BRF1: variants seen among roughly 807,000 people sequenced by gnomAD.
BRF1 encodes BRF1 general transcription factor IIIB subunit, also known as transcription factor IIIB 90 kDa subunit.
Under a neutral mutation model 81.7 loss-of-function variants are expected in BRF1, and 59 were observed. That is an observed-to-expected ratio of 0.72 (90% CI 0.59 to 0.90). The LOEUF (loss-of-function observed/expected upper bound fraction) is 0.90. BRF1 is among the 40% of genes least tolerant of loss of function. BRF1 has a pLI of 0.00. For synonymous variants in BRF1, 491 were observed against 395.6 expected, an observed-to-expected ratio of 1.24 and a Z score of -2.86; for missense variants, 1,050 against 936.3, an observed-to-expected ratio of 1.12 and a Z score of -1.58.
At position 105,258,254 on chromosome 14, in the gene BRF1, C is replaced by T. The variant is rs145705190; in HGVS notation, c.440-1705G>A. Among the ~76,000 whole-genome samples, 504 of 152,262 alleles carry T rather than the reference C, an allele frequency of 3.3e-3. 3 individuals are homozygous for T. Among genetic ancestry groups the T allele is most frequent in the East Asian group, 0.014 (74 of 5,182 alleles). On this transcript the variant is annotated intron_variant, in intron 3 of 17. Transcript: ENST00000547530. ...CTGTAATCCCAGCACTTCGGGAGGCCGAGGTGGGTGGATCACAAGGTCAGG... is the reference window on the plus strand; with the variant it reads ...CTGTAATCCCAGCACTTCGGGAGGCTGAGGTGGGTGGATCACAAGGTCAGG...
Position 105,211,240 on chromosome 14 carries a change from C to A in BRF1, c.1878G>T (p.Ala626=). The A allele has an allele frequency of 6.2e-7, 1 of 1,609,556 alleles. No homozygotes were observed. The highest frequency in any genetic ancestry group is 8.5e-7 in the Non-Finnish European group (1 of 1,178,504). The change falls in exon 17 of 18, where the codon GCG becomes GCT. Residue 626 remains alanine (A), a synonymous_variant. Transcript: ENST00000547530. ...ACACGGGCCCGCTCTCCACCAGCACCGCCTGGGGCCTGGCAGGCTCAGCTC... is the reference window on the plus strand; with the variant it reads ...ACACGGGCCCGCTCTCCACCAGCACAGCCTGGGGCCTGGCAGGCTCAGCTC... ...TLGAEPARPQ[A]VLVESGPVSY...
chr14:105,244,491 T>C (rs1472741590), intron 5 of BRF1, among the ~76,000 whole-genome samples: 1 of 148,942 alleles, frequency 6.7e-6, no homozygotes, highest in African/African-American at 2.4e-5. Context: ...AAGACAAATC[T>C]GTCAGTGACT....
At chr14:105,222,800 T>C (rs1202818117) in intron 10 of BRF1, among the ~76,000 whole-genome samples, 1 of 152,154 alleles carries the variant, frequency 6.6e-6, no homozygotes, top group African/African-American at 2.4e-5. Context: ...GGCTAATTTT[T>C]TGTATTTTTA....
intron 6 of BRF1, among the ~76,000 whole-genome samples, 161 bp downstream of exon 6, chr14:105,241,104 T>C (rs1052152198): frequency 1.3e-5 from 2 of 152,190 alleles, no homozygotes; most frequent in African/African-American, 2.4e-5. Flanking sequence ...CCTGGAGGGC[T>C]GAGGACCCCG....
intron 3 of BRF1, among the ~76,000 whole-genome samples, chr14:105,257,424 G>A (rs8006549): frequency 7.2e-5 from 11 of 152,140 alleles, no homozygotes; most frequent in African/African-American, 2.7e-4. Flanking sequence ...ACTCATCCAC[G>A]CCCTGGGCTG....
intron 5 of BRF1, chr14:105,248,840 C>G: frequency 2.0e-6 from 2 of 989,938 alleles, no homozygotes; most frequent in Non-Finnish European, 2.4e-6. Flanking sequence ...CCACAGGCGC[C>G]GAGGCTGCCC....
chr14:105,296,544 G>A (rs1476981348), intron 1 of BRF1, among the ~76,000 whole-genome samples: 1 of 151,384 alleles, frequency 6.6e-6, no homozygotes, highest in Non-Finnish European at 1.5e-5. Flanking sequence ...AGCTGGGTGC[G>A]GTGGCGGGTG....
chr14:105,221,948 G>C (rs1266389053), intron 10 of BRF1, 34 bp from the exon 11 acceptor site: 1 of 1,528,030 alleles, frequency 6.5e-7, no homozygotes, highest in Non-Finnish European at 8.8e-7. Context: ...TAACCAGGCA[G>C]AGGGCCAGGG....
At chr14:105,294,490 C>T (rs781109153) in intron 1 of BRF1, among the ~76,000 whole-genome samples, 7 of 152,246 alleles carry the variant, frequency 4.6e-5, no homozygotes, top group Non-Finnish European at 1.0e-4. Flanking sequence ...GCTGCCATGA[C>T]AACTTGCTTT....
At chr14:105,249,869 C>T in intron 5 of BRF1, 1 of 1,612,388 alleles carries the variant, frequency 6.2e-7, no homozygotes, top group Non-Finnish European at 8.5e-7. Flanking sequence ...CGAGATGGCC[C>T]TACGGTCCGA....
intron 5 of BRF1, 176 bp downstream of exon 5, chr14:105,252,329 CTG>C (rs2055662013): frequency 1.0e-6 from 1 of 971,676 alleles, no homozygotes; most frequent in Non-Finnish European, 1.2e-6. Flanking sequence ...AACAGCGAGA[CTG>C]TGTCTTAGAA....
intron 6 of BRF1, 72 bp downstream of exon 6, chr14:105,241,193 C>G: frequency 6.3e-7 from 1 of 1,579,502 alleles, no homozygotes; most frequent in East Asian, 2.2e-5. Flanking sequence ...AGCCCACCAG[C>G]ACTCAGGAGT....
chr14:105,300,216 G>A (rs2057943115), intron 1 of BRF1, among the ~76,000 whole-genome samples: 1 of 152,230 alleles, frequency 6.6e-6, no homozygotes, highest in African/African-American at 2.4e-5. Context: ...TGGCTGCCCT[G>A]GCCCACGCGT....
intron 1 of BRF1, among the ~76,000 whole-genome samples, chr14:105,292,603 T>C (rs991479461): frequency 2.0e-5 from 3 of 152,040 alleles, no homozygotes; most frequent in Admixed American, 2.0e-4. Flanking sequence ...CACAGGTGAG[T>C]GCCCAAAGGA....
Position 105,218,999 on chromosome 14 carries a change from T to C in BRF1, c.1514A>G (p.Lys505Arg). The change falls in exon 14 of 18, where the codon AAG (lysine) becomes AGG (arginine). Residue 505 changes from lysine (K) to arginine (R), a missense_variant and splice_region_variant. Transcript: ENST00000547530. ...EKELGIYKEH[K>R]PKKSCKRREP... ...AGGCCCAGCGTCACAGGCGCCCACCTTGTGTTCCTTGTAGATGCCGAGCTC... is the reference window on the plus strand; with the variant it reads ...AGGCCCAGCGTCACAGGCGCCCACCCTGTGTTCCTTGTAGATGCCGAGCTC... 5 of 1,613,736 alleles carry C rather than the reference T, an allele frequency of 3.1e-6. No individual in the cohort carries two copies. The highest frequency in any genetic ancestry group is 3.4e-6 in the Non-Finnish European group (4 of 1,179,970).
At chr14:105,250,723 A>G in intron 5 of BRF1, 1 of 1,536,762 alleles carries the variant, frequency 6.5e-7, no homozygotes, top group South Asian at 1.2e-5. Context: ...GGGGAAGTCA[A>G]GATGCTAACT....
chr14:105,211,218 C>G lies in BRF1; in HGVS notation c.1900G>C (p.Val634Leu). The change falls in exon 17 of 18, where the codon GTG becomes CTG. Residue 634 changes from valine to leucine, a missense_variant. By Grantham distance (32) the Val-to-Leu change is conservative. Around this residue, in one of 2 missense-constraint regions of BRF1, gnomAD observed 1,043 missense variants for 915.4 expected, o/e 1.14. Coordinates refer to ENST00000547530, the MANE Select transcript of BRF1 (RefSeq NM_001519.4). ...GCCTCCTCGTCGGCGTGGTATGACA[C>G]GGGCCCGCTCTCCACCAGCACCGCC... ...PQAVLVESGP[V>L]SYHADEEADE... 5.0e-6 allele frequency: 8 copies of G among 1,611,344 alleles called. No individual in the cohort carries two copies. The highest frequency in any genetic ancestry group is 6.8e-6 in the Non-Finnish European group (8 of 1,179,684).
chr14:105,241,528 C>G (rs1172042831), intron 5 of BRF1, 114 bp from the exon 6 acceptor site: 6 of 1,362,290 alleles, frequency 4.4e-6, no homozygotes, highest in Non-Finnish European at 5.0e-6. Flanking sequence ...GGCCCCCAGG[C>G]CCCCCACCAG....
intron 7 of BRF1, chr14:105,227,047 T>C (rs1595309165): frequency 5.4e-6 from 2 of 368,552 alleles, no homozygotes; most frequent in Non-Finnish European, 9.8e-6. Context: ...GCCCAGGAGG[T>C]TGAGGCTGTA....
Sources: allele counts gnomAD v4.1 joint callset (sites outside exome capture counted in the v4.1 genomes callset), GRCh38; gene constraint gnomAD v4.1.1; regional missense constraint gnomAD v4.1.1; transcripts MANE v1.5; gene names NCBI Gene and HGNC (gene_info 2026-07-23, HGNC 2026-07-21).